APP: variants seen among roughly 807,000 people sequenced by gnomAD.
APP encodes amyloid beta precursor protein, also known as amyloid-beta precursor protein.
In APP, 31 loss-of-function variants were observed where a neutral mutation model predicts 101.4. The ratio of observed to expected loss-of-function variants is 0.31; its 90% confidence interval spans 0.23 to 0.41. The LOEUF is 0.41. Ranked by LOEUF, APP falls within the 10% of genes least tolerant of loss-of-function variation. APP has a pLI of 1.00. For synonymous variants in APP, 366 were observed against 364.4 expected (o/e 1.00, Z -0.05); for missense variants, 839 against 1,003.7 (o/e 0.84, Z 2.22).
In APP at chr21:25,975,235, TCATAAACA is replaced by T; in HGVS notation, c.1300-15_1300-8del. 6.2e-7 allele frequency: 1 copy of T among 1,614,148 alleles called. No individual in the cohort carries two copies. Among genetic ancestry groups the T allele is most frequent in the East Asian group, 2.2e-5 (1 of 44,886 alleles). ...CCACTTTCTCCTGGAAATGCTGCCA[TCATAAACA>T]CATATGTCCATGGGGACTGAATAAG... On this transcript the variant is annotated splice_region_variant and splice_polypyrimidine_tract_variant and intron_variant, in intron 10 of 17. Coordinates refer to ENST00000346798, the MANE Select transcript of APP (RefSeq NM_000484.4).
At chr21:26,098,011 C>A (rs1158723571) in intron 2 of APP, among the ~76,000 whole-genome samples, 1 of 135,502 alleles carries the variant, frequency 7.4e-6, no homozygotes, top group Non-Finnish European at 1.5e-5. Flanking sequence ...ACCTGGGAGG[C>A]GGAGCTTGCA....
rs1330356308 is a variant in APP, at chr21:25,955,636, G to A, written c.1578C>T (p.Ile526=). ...RMVDPKKAAQ[I]RSQVMTHLRV... ...TATACCCCACGCTTACCTGGGACCG[G>A]ATCTGAGCGGCTTTCTTGGGATCCA... Residue 526 remains isoleucine, a synonymous_variant, in exon 12 of 18, where the codon ATC becomes ATT. Coordinates refer to ENST00000346798, the MANE Select transcript of APP (RefSeq NM_000484.4). The A allele has an allele frequency of 6.2e-7, 1 of 1,614,134 alleles. No individual in the cohort carries two copies. Among genetic ancestry groups the A allele is most frequent in the East Asian group, 2.2e-5 (1 of 44,882 alleles).
At chr21:25,954,943 T>C (rs562287959) in intron 12 of APP, among the ~76,000 whole-genome samples, 1 of 20,204 alleles carries the variant, frequency 4.9e-5, no homozygotes, top group East Asian at 1.3e-3. Context: ...CTTTTTGAGC[T>C]CAGGTTTAAG....
At chr21:26,156,110 C>T (rs1195305707) in intron 1 of APP, among the ~76,000 whole-genome samples, 2 of 151,750 alleles carry the variant, frequency 1.3e-5, no homozygotes, top group African/African-American at 2.4e-5. Context: ...TTTATGCAGG[C>T]ACTTGTGGCC....
At chr21:26,101,514 A>G (rs2062057770) in intron 2 of APP, among the ~76,000 whole-genome samples, 1 of 152,210 alleles carries the variant, frequency 6.6e-6, no homozygotes, top group Non-Finnish European at 1.5e-5. Context: ...AAGTGAGGAT[A>G]TGGTTTAAGA....
intron 13 of APP, chr21:25,933,690 C>T (rs1601445291): frequency 6.6e-6 from 1 of 152,192 alleles, no homozygotes; most frequent in Admixed American, 6.5e-5. Flanking sequence ...ATTAATTAAC[C>T]CTGGCTAATT....
intron 13 of APP, among the ~76,000 whole-genome samples, chr21:25,916,170 T>G (rs2039340801): frequency 6.6e-6 from 1 of 152,088 alleles, no homozygotes; most frequent in South Asian, 2.1e-4. Context: ...ACCGGATAGT[T>G]TTTATGTTTT....
intron 1 of APP, among the ~76,000 whole-genome samples, chr21:26,165,645 TA>T: frequency 6.6e-6 from 1 of 152,354 alleles, no homozygotes; most frequent in Middle Eastern, 3.4e-3. Context: ...GTGACATTTT[TA>T]AAAACCTCTC....
At chr21:25,966,173 T>C (rs2041789118) in intron 11 of APP, among the ~76,000 whole-genome samples, 1 of 152,226 alleles carries the variant, frequency 6.6e-6, no homozygotes, top group African/African-American at 2.4e-5. Flanking sequence ...TTGGTAAACA[T>C]TCAGAAGGTA....
At chr21:26,111,495 T>C (rs1052821944) in intron 2 of APP, among the ~76,000 whole-genome samples, 1 of 152,124 alleles carries the variant, frequency 6.6e-6, no homozygotes, top group Non-Finnish European at 1.5e-5. Flanking sequence ...CTCAGCACTT[T>C]GGGAGGTCCA....
intron 1 of APP, among the ~76,000 whole-genome samples, chr21:26,127,215 G>A (rs1396772642): frequency 6.6e-6 from 1 of 151,838 alleles, no homozygotes; most frequent in Non-Finnish European, 1.5e-5. Flanking sequence ...AAAAAAATGA[G>A]GTGGTAACTA....
chr21:26,053,441 G>T, intron 3 of APP, 93 bp from the exon 4 acceptor site: 1 of 943,012 alleles, frequency 1.1e-6, no homozygotes, highest in Non-Finnish European at 1.7e-6. Flanking sequence ...TTCAAGACAA[G>T]TTAAACAGCC....
At chr21:26,098,506 T>C (rs1181215746) in intron 2 of APP, among the ~76,000 whole-genome samples, 1 of 152,226 alleles carries the variant, frequency 6.6e-6, no homozygotes, top group Non-Finnish European at 1.5e-5. Context: ...ACTTTGTCTC[T>C]ATTCCCAACA....
rs145021645 is a variant in APP, at chr21:26,158,902, C to G, written c.57+11662G>C. On this transcript the variant is annotated intron_variant, in intron 1 of 17. Transcript: ENST00000346798. Reference sequence around the variant, plus strand: ...ACTGTACCTAATTATTTCTCCGTCTCTTTCTTCCTCCACTGGACTGCGGAA... The same window carrying G: ...ACTGTACCTAATTATTTCTCCGTCTGTTTCTTCCTCCACTGGACTGCGGAA... 2.0e-4 allele frequency among the ~76,000 whole-genome samples: 31 copies of G among 152,278 alleles called. No individual in the cohort carries two copies. The East Asian group carries it at 5.8e-3, about 28-fold the overall frequency.
chr21:25,953,759 T>C (rs949340670), intron 13 of APP, among the ~76,000 whole-genome samples: 1 of 152,212 alleles, frequency 6.6e-6, no homozygotes, highest in Non-Finnish European at 1.5e-5. Flanking sequence ...TTTATTCTCT[T>C]TCCAAGAGAA....
At chr21:26,051,589 T>C (rs1377991577) in intron 4 of APP, among the ~76,000 whole-genome samples, 2 of 152,126 alleles carry the variant, frequency 1.3e-5, no homozygotes, top group East Asian at 3.9e-4. Context: ...CACTCCTACC[T>C]CCCTTACAGA....
intron 11 of APP, among the ~76,000 whole-genome samples, chr21:25,974,465 A>C (rs570277129): frequency 6.6e-6 from 1 of 152,284 alleles, no homozygotes; most frequent in South Asian, 2.1e-4. Flanking sequence ...TACCCTTATA[A>C]AAGAGGGCCC....
intron 5 of APP, among the ~76,000 whole-genome samples, chr21:26,047,871 G>A (rs965388104): frequency 1.3e-5 from 2 of 152,126 alleles, no homozygotes; most frequent in South Asian, 2.1e-4. Flanking sequence ...GACTTCTTAC[G>A]AAAGAAAGAA....
intron 5 of APP, among the ~76,000 whole-genome samples, chr21:26,033,461 G>C (rs1448597387): frequency 6.6e-6 from 1 of 152,118 alleles, no homozygotes; most frequent in Non-Finnish European, 1.5e-5. Flanking sequence ...ACCCAGTCTT[G>C]GTTATATCTT....
Sources: allele counts gnomAD v4.1 joint callset (sites outside exome capture counted in the v4.1 genomes callset), GRCh38; gene constraint gnomAD v4.1.1; transcripts MANE v1.5; gene names NCBI Gene and HGNC (gene_info 2026-07-23, HGNC 2026-07-21).